Variants in RGS6 observed in about 807,000 individuals in gnomAD.
RGS6 encodes regulator of G-protein signaling 6.
A neutral mutation model predicts 78.5 loss-of-function variants in RGS6; 30 were observed. The ratio of observed to expected loss-of-function variants is 0.38; its 90% CI spans 0.29 to 0.52. The LOEUF (loss-of-function observed/expected upper bound fraction) is 0.52, where lower values mean the gene tolerates loss of function less well. RGS6 is among the 20% of genes least tolerant of loss of function. The pLI is 0.85. For synonymous variants in RGS6, 206 were observed against 206.0 expected (o/e 1.00, Z 0.00); for missense variants, 495 against 609.7 (o/e 0.81, Z 1.98).
chr14:72,203,076 C>T (rs747667638), intron 2 of RGS6, among the ~76,000 whole-genome samples: 18 of 152,016 alleles, frequency 1.2e-4, no homozygotes, highest in Non-Finnish European at 1.8e-4. Flanking sequence ...AGGGTTTCAC[C>T]GTGTTAGCCA....
chr14:71,958,217 G>A (rs1342624444), intron 1 of RGS6, among the ~76,000 whole-genome samples: 1 of 152,142 alleles, frequency 6.6e-6, no homozygotes, highest in African/African-American at 2.4e-5. Flanking sequence ...CAGGCTTTGT[G>A]CCAAACATCT....
At chr14:72,617,123 G>A in the RGS6 span, among the ~76,000 whole-genome samples, 4 of 152,148 alleles carry the variant, frequency 2.6e-5, no homozygotes, top group African/African-American at 7.2e-5. Context: ...GCAGACATGG[G>A]GCTGAGATCG....
rs2096983801 is a variant in RGS6, at chr14:72,518,513, G to A, written c.1254G>A (p.Gly418=). Residue 418 remains glycine, a synonymous_variant, in exon 15 of 18, where the codon GGG becomes GGA. Coordinates refer to ENST00000553525, the MANE Select transcript of RGS6 (RefSeq NM_001204424.2). The part of the protein sequence containing the change: ...EITSQNVKDG[G]RYTFEDAQEH... ...CCAGTCAAAATGTCAAAGATGGAGG[G>A]AGATATACATTTGAAGACGCCCAGG... 1 of 1,614,070 alleles carries A rather than the reference G, an allele frequency of 6.2e-7. No individual in the cohort carries two copies. Among genetic ancestry groups the A allele is most frequent in the African/African-American group, 1.3e-5 (1 of 74,934 alleles).
At chr14:72,182,910 T>C (rs1456667406) in intron 2 of RGS6, among the ~76,000 whole-genome samples, 3 of 152,202 alleles carry the variant, frequency 2.0e-5, no homozygotes, top group Non-Finnish European at 4.4e-5. Context: ...TTTCATACTC[T>C]CTGTTGTTCA....
chr14:72,030,056 G>A (rs891901800), intron 2 of RGS6, among the ~76,000 whole-genome samples: 4 of 152,116 alleles, frequency 2.6e-5, no homozygotes, highest in African/African-American at 9.7e-5. Context: ...TAAGATCTTC[G>A]CATTGTCTGG....
Position 72,395,587 on chromosome 14 carries a change from G to T in RGS6, c.184+43393G>T, listed in dbSNP as rs565516578. Among the ~76,000 whole-genome samples the T allele has an allele frequency of 3.3e-5, 5 of 151,970 alleles. No individual in the cohort carries two copies. In the East Asian group the frequency reaches 9.7e-4, roughly 29 times the overall value. On this transcript the variant is annotated intron_variant, in intron 3 of 17. Coordinates refer to ENST00000553525, the MANE Select transcript of RGS6 (RefSeq NM_001204424.2). ...TAGGGTACATGTGCACAACATGCAG[G>T]TTTGTTACATATGTATACATGTGCC...
chr14:72,574,088 C>T, the RGS6 span, among the ~76,000 whole-genome samples: 6 of 152,148 alleles, frequency 3.9e-5, no homozygotes, highest in African/African-American at 1.4e-4. Context: ...TTTGGAATAC[C>T]CACACACACA....
At chr14:72,524,445 T>C (rs914702667) in intron 15 of RGS6, among the ~76,000 whole-genome samples, 8 of 152,232 alleles carry the variant, frequency 5.3e-5, no homozygotes, top group African/African-American at 1.9e-4. Context: ...TTGAGAACCT[T>C]CAGCTTCCTT....
chr14:72,370,323 T>C (rs1421004303), intron 3 of RGS6, among the ~76,000 whole-genome samples: 5 of 152,090 alleles, frequency 3.3e-5, no homozygotes, highest in African/African-American at 1.2e-4. Flanking sequence ...GACGATGCCT[T>C]TATTAAGGCC....
intron 2 of RGS6, among the ~76,000 whole-genome samples, chr14:72,024,517 G>A (rs1051265848): frequency 6.6e-6 from 1 of 152,082 alleles, no homozygotes; most frequent in African/African-American, 2.4e-5. Flanking sequence ...TCAGAAATTC[G>A]TCCCCAGCAT....
At chr14:72,095,616 GAC>G (rs2095386083) in intron 2 of RGS6, among the ~76,000 whole-genome samples, 1 of 152,158 alleles carries the variant, frequency 6.6e-6, no homozygotes, top group African/African-American at 2.4e-5. Context: ...GTATTTCACA[GAC>G]ACATTAAGAT....
intron 2 of RGS6, among the ~76,000 whole-genome samples, chr14:72,030,910 A>G (rs1170477517): frequency 6.6e-6 from 1 of 152,064 alleles, no homozygotes; most frequent in African/African-American, 2.4e-5. Flanking sequence ...TTTGCAGCTG[A>G]TATGGATTCT....
At chr14:72,178,038 C>T (rs1165581403) in intron 2 of RGS6, among the ~76,000 whole-genome samples, 2 of 152,194 alleles carry the variant, frequency 1.3e-5, no homozygotes, top group African/African-American at 4.8e-5. Context: ...CTGTTTCCTC[C>T]CTGACTCGCA....
At chr14:72,627,916 T>C in the RGS6 span, among the ~76,000 whole-genome samples, 1 of 152,164 alleles carries the variant, frequency 6.6e-6, no homozygotes, top group Non-Finnish European at 1.5e-5. Flanking sequence ...AATGGAATTA[T>C]GTTCTCTAAC....
intron 3 of RGS6, among the ~76,000 whole-genome samples, chr14:72,396,417 C>T (rs1226971480): frequency 1.3e-5 from 2 of 152,068 alleles, no homozygotes; most frequent in African/African-American, 4.8e-5. Context: ...TGTTGGAGTT[C>T]ATTGTAGATT....
intron 2 of RGS6, among the ~76,000 whole-genome samples, chr14:71,974,441 C>A (rs2093998296): frequency 6.6e-6 from 1 of 152,224 alleles, no homozygotes; most frequent in Admixed American, 6.5e-5. Context: ...ATAGTGATAT[C>A]TTTCTGGTAA....
chr14:72,010,626 C>A (rs779680691), intron 2 of RGS6, among the ~76,000 whole-genome samples: 5 of 152,166 alleles, frequency 3.3e-5, no homozygotes, highest in Non-Finnish European at 7.4e-5. Context: ...AGCTTCTGCA[C>A]TTGGCCCCAA....
intron 2 of RGS6, among the ~76,000 whole-genome samples, chr14:72,333,431 C>T (rs958748292): frequency 1.3e-5 from 2 of 152,168 alleles, no homozygotes; most frequent in African/African-American, 4.8e-5. Context: ...GATGCTGTGG[C>T]CTCCCCATTC....
the RGS6 span, among the ~76,000 whole-genome samples, chr14:71,878,334 T>C: frequency 6.6e-6 from 1 of 152,146 alleles, no homozygotes; most frequent in South Asian, 2.1e-4. Context: ...TCCACCCAGT[T>C]CAAGCTTCCT....
Sources: allele counts gnomAD v4.1 joint callset (sites outside exome capture counted in the v4.1 genomes callset), GRCh38; gene constraint gnomAD v4.1.1; transcripts MANE v1.5; gene names NCBI Gene and HGNC (gene_info 2026-07-23, HGNC 2026-07-21).